Variants in SAMSN1 observed in about 807,000 individuals in gnomAD.
SAMSN1 encodes SAM domain-containing protein SAMSN-1.
Under a neutral mutation model 42.0 loss-of-function variants are expected in SAMSN1, and 31 were observed. The ratio of observed to expected loss-of-function variants is 0.74; its 90% CI spans 0.55 to 1.00. The LOEUF (loss-of-function observed/expected upper bound fraction) is 1.00, where lower values mean the gene tolerates loss of function less well. Ranked by LOEUF, SAMSN1 falls within the 50% of genes least tolerant of loss-of-function variation. SAMSN1 has a pLI of 0.00. For missense variants in SAMSN1, 464 were observed against 439.4 expected, an observed-to-expected ratio of 1.06 and a Z score of -0.50; for synonymous variants, 178 against 151.9, an observed-to-expected ratio of 1.17 and a Z score of -1.26.
intron 2 of SAMSN1, among the ~76,000 whole-genome samples, chr21:14,632,791 T>C (rs999131397): frequency 6.6e-6 from 1 of 152,152 alleles, no homozygotes; most frequent in Non-Finnish European, 1.5e-5. Flanking sequence ...GGATTCTCCT[T>C]TAATTTTACT....
intron 2 of SAMSN1, among the ~76,000 whole-genome samples, chr21:14,627,928 T>G (rs1486970142): frequency 6.6e-6 from 1 of 152,134 alleles, no homozygotes; most frequent in East Asian, 1.9e-4. Flanking sequence ...TCCTGAGACT[T>G]CTCCCTTGTC....
rs372784357 is a variant in SAMSN1 at position 14,557,269 on chromosome 21, C to T, written c.261+24867G>A. Among the ~76,000 whole-genome samples the T allele has an allele frequency of 2.6e-5, 4 of 152,266 alleles. No homozygotes were observed. In the East Asian group the frequency reaches 5.8e-4, roughly 22 times the overall value. On this transcript the variant is annotated intron_variant, in intron 2 of 8. Coordinates refer to the SAMSN1 transcript ENST00000285670. Reference sequence around the variant, plus strand: ...CCTGTCCTCTCCAAGTCTCAAATTTCCTCATTAATTAAAAGGAGAAAATAA... The same window carrying T: ...CCTGTCCTCTCCAAGTCTCAAATTTTCTCATTAATTAAAAGGAGAAAATAA...
chr21:14,548,386 T>C (rs1015386600), upstream of SAMSN1, among the ~76,000 whole-genome samples: 6 of 152,152 alleles, frequency 3.9e-5, no homozygotes, highest in Non-Finnish European at 8.8e-5. Context: ...ATAGGTTACA[T>C]TTCTCCAATG....
chr21:14,532,240 C>A (rs568039616), intron 1 of SAMSN1, among the ~76,000 whole-genome samples: 1 of 152,234 alleles, frequency 6.6e-6, no homozygotes, highest in South Asian at 2.1e-4. Flanking sequence ...ATGCTTTATG[C>A]CACCTGAGGT....
intron 5 of SAMSN1, among the ~76,000 whole-genome samples, chr21:14,507,837 G>T (rs1266200985): frequency 7.9e-6 from 1 of 126,110 alleles, no homozygotes; most frequent in Non-Finnish European, 1.6e-5. Flanking sequence ...CATGGTACTG[G>T]TAAAAAAAAA....
At chr21:14,628,414 A>G (rs1320485518) in intron 2 of SAMSN1, among the ~76,000 whole-genome samples, 2 of 152,166 alleles carry the variant, frequency 1.3e-5, no homozygotes, top group African/African-American at 4.8e-5. Flanking sequence ...TGTGTCAACT[A>G]AAATATGAAA....
At chr21:14,623,148 C>T (rs1983060573) in intron 2 of SAMSN1, among the ~76,000 whole-genome samples, 1 of 152,162 alleles carries the variant, frequency 6.6e-6, no homozygotes, top group African/African-American at 2.4e-5. Context: ...ACAACCAGTA[C>T]CAGCCACTGC....
intron 6 of SAMSN1, among the ~76,000 whole-genome samples, chr21:14,598,669 T>TGAGATCTTCTCTTCCATTTTGAGAACATG (rs1982343470): frequency 6.6e-6 from 1 of 152,188 alleles, no homozygotes; most frequent in Non-Finnish European, 1.5e-5. Flanking sequence ...CTTCCATGCC[T>TGAGATCTTCTCTTCCATTTTGAGAACATG]GAGATCTTCT....
At chr21:14,577,293 T>TTG (rs1981537724) in intron 2 of SAMSN1, among the ~76,000 whole-genome samples, 1 of 123,772 alleles carries the variant, frequency 8.1e-6, no homozygotes, top group African/African-American at 3.1e-5. Context: ...TATTTTTTTT[T>TTG]TAGAAGAGAC....
chr21:14,544,695 A>C (rs1174979244), intron 1 of SAMSN1, among the ~76,000 whole-genome samples: 1 of 152,190 alleles, frequency 6.6e-6, no homozygotes, highest in African/African-American at 2.4e-5. Flanking sequence ...AGTCAAGATT[A>C]ACAATATTCC....
At chr21:14,639,995 T>A (rs779375024) in intron 2 of SAMSN1, among the ~76,000 whole-genome samples, 1 of 152,214 alleles carries the variant, frequency 6.6e-6, no homozygotes. Context: ...ATGTATGATA[T>A]TCTTCATTTA....
chr21:14,524,452 C>G (rs1978700361), intron 1 of SAMSN1, among the ~76,000 whole-genome samples: 1 of 152,046 alleles, frequency 6.6e-6, no homozygotes, highest in African/African-American at 2.4e-5. Context: ...GACTTTAGAT[C>G]ATATTTAGTC....
chr21:14,641,050 G>A (rs1242137895), intron 2 of SAMSN1, among the ~76,000 whole-genome samples: 1 of 151,882 alleles, frequency 6.6e-6, no homozygotes, highest in Non-Finnish European at 1.5e-5. Context: ...AGGCTCTTCA[G>A]CCTATTCAAT....
At chr21:14,616,219 C>CT (rs980477780) in intron 2 of SAMSN1, among the ~76,000 whole-genome samples, 2 of 151,694 alleles carry the variant, frequency 1.3e-5, no homozygotes, top group Non-Finnish European at 2.9e-5. Flanking sequence ...CACATTTTAA[C>CT]TTTTTTTTCC....
At chr21:14,514,345 C>T (rs988588350) in intron 3 of SAMSN1, among the ~76,000 whole-genome samples, 1 of 152,186 alleles carries the variant, frequency 6.6e-6, no homozygotes, top group African/African-American at 2.4e-5. Context: ...AGAATGAACA[C>T]ACCAAGTAAA....
intron 5 of SAMSN1, among the ~76,000 whole-genome samples, chr21:14,508,982 G>T (rs1987550844): frequency 6.6e-6 from 1 of 152,062 alleles, no homozygotes; most frequent in Non-Finnish European, 1.5e-5. Flanking sequence ...ACAAAAATTA[G>T]CTGGGTGCGG....
chr21:14,546,345 C>G, upstream of SAMSN1: 5 of 1,580,118 alleles, frequency 3.2e-6, no homozygotes, highest in East Asian at 1.1e-4. Flanking sequence ...CTGTCTAATG[C>G]ACAGCATCAG....
chr21:14,609,658 C>A, intron 4 of SAMSN1: 1 of 698,068 alleles, frequency 1.4e-6, no homozygotes, highest in Non-Finnish European at 2.7e-6. Context: ...AAGTTCAGCA[C>A]AGGATTTGCA....
At chr21:14,546,866 T>C (rs1980421635), upstream of SAMSN1, among the ~76,000 whole-genome samples, 1 of 152,034 alleles carries the variant, frequency 6.6e-6, no homozygotes, top group Admixed American at 6.6e-5. Context: ...TGTGCCACCA[T>C]GCCTGGCTAA....
Sources: gnomAD v4.1 joint callset for allele counts (sites outside exome capture counted in the v4.1 genomes callset) on GRCh38, gnomAD v4.1.1 for gene constraint, MANE v1.5 for transcripts, NCBI Gene and HGNC (gene_info 2026-07-23, HGNC 2026-07-21) for gene names.